Variants in TMEM51 observed in about 807,000 individuals in gnomAD.
The protein encoded by TMEM51 is transmembrane protein 51, also known as chromosome 1 open reading frame 72.
Under a neutral mutation model 13.6 loss-of-function variants are expected in TMEM51, and 8 were observed. The observed-to-expected ratio is 0.59, with a 90% CI of 0.35 to 1.07. The LOEUF is 1.07. Among genes scored for constraint, TMEM51 ranks in the 50% least tolerant of loss-of-function variants. The probability of loss-of-function intolerance (pLI) is 0.02; values close to 1 mark genes in which losing one functional copy is unlikely to be tolerated. For missense variants in TMEM51, 279 were observed against 330.7 expected (o/e 0.84, Z 1.21); for synonymous variants, 147 against 144.4 (o/e 1.02, Z -0.13).
At chr1:15,209,192 T>A (rs1279687612) in intron 1 of TMEM51, among the ~76,000 whole-genome samples, 1 of 151,844 alleles carries the variant, frequency 6.6e-6, no homozygotes, top group Non-Finnish European at 1.5e-5. Flanking sequence ...CACCTCAACC[T>A]CCCAAGTAGC....
intron 1 of TMEM51, chr1:15,191,926 T>G (rs916820231): frequency 1.9e-6 from 1 of 531,108 alleles, no homozygotes. Context: ...TTCCAGAAGT[T>G]GTAGGCGTCT....
chr1:15,154,929 G>C (rs1019054540), intron 1 of TMEM51, among the ~76,000 whole-genome samples: 2 of 152,186 alleles, frequency 1.3e-5, no homozygotes, highest in East Asian at 1.9e-4. Flanking sequence ...GACCCGAACC[G>C]GGAGGTAAGT....
chr1:15,172,871 C>T (rs1643333276), intron 1 of TMEM51, among the ~76,000 whole-genome samples: 1 of 152,168 alleles, frequency 6.6e-6, no homozygotes, highest in Non-Finnish European at 1.5e-5. Flanking sequence ...GTCGACACTA[C>T]CTGCTCATTG....
intron 1 of TMEM51, among the ~76,000 whole-genome samples, chr1:15,190,934 C>T (rs1371264291): frequency 2.0e-5 from 3 of 152,094 alleles, no homozygotes; most frequent in African/African-American, 7.2e-5. Flanking sequence ...ATTATAGGCA[C>T]GTGCCACCAC....
At chr1:15,192,752 G>A (rs1029608827) in intron 1 of TMEM51, 4 of 166,188 alleles carry the variant, frequency 2.4e-5, no homozygotes, top group Non-Finnish European at 5.1e-5. Flanking sequence ...CGCCTGGCCG[G>A]TGGTGCTACT....
rs1427933478 is a variant in TMEM51 at position 15,207,866 on chromosome 1, G to T, written c.-266-2624G>T. 1.3e-5 allele frequency among the ~76,000 whole-genome samples: 2 copies of T among 152,090 alleles called. No homozygotes were observed. Among genetic ancestry groups the T allele is most frequent in the African/African-American group, 2.4e-5 (1 of 41,390 alleles). ...TGTTGCCGGCAAATTATTTGCATAC[G>T]GATACAAGATTTGGGTATCTGGATC... On this transcript the variant is annotated intron_variant, in intron 1 of 3. Transcript: ENST00000376008. The surrounding 1 kb of genome is among the most constrained non-coding windows in gnomAD (Gnocchi z 4.6).
intron 1 of TMEM51, among the ~76,000 whole-genome samples, chr1:15,177,429 G>A (rs79718565): frequency 0.013 from 2,014 of 152,200 alleles, 37 homozygotes; most frequent in African/African-American, 0.041. Flanking sequence ...AGGGAAGTCG[G>A]GAGGAACCAG....
At position 15,184,333 on chromosome 1, in the gene TMEM51, C is replaced by A. The variant is rs116274371; in HGVS notation, c.-266-26157C>A. ...AACCACCACGCCTGGCCTTGCCTTT[C>A]TCACCAGCTCTCAGGGCTGTTGACA... On this transcript the variant is annotated intron_variant, in intron 1 of 3. Coordinates refer to ENST00000376008, the MANE Select transcript of TMEM51 (RefSeq NM_001136218.2). 1.4e-3 allele frequency among the ~76,000 whole-genome samples: 215 copies of A among 152,336 alleles called. 1 individual carries two copies. The highest frequency in any genetic ancestry group is 5.0e-3 in the African/African-American group (210 of 41,586).
intron 3 of TMEM51, 104 bp downstream of exon 3, chr1:15,215,535 G>T: frequency 9.1e-6 from 10 of 1,099,560 alleles, no homozygotes; most frequent in Non-Finnish European, 1.1e-5. Flanking sequence ...TCATCTACAG[G>T]CTTTATTGTC....
rs1466947837 is a variant in TMEM51, at chr1:15,168,435, GA to G, written c.-267+14482del. ...GACAAATGGTAGATAAATGTATAATGAGCTTGGATACATCTGCAATTAGCTG... is the reference window on the plus strand; with the variant it reads ...GACAAATGGTAGATAAATGTATAATGGCTTGGATACATCTGCAATTAGCTG... On this transcript the variant is annotated intron_variant, in intron 1 of 3. Coordinates refer to ENST00000376008, the MANE Select transcript of TMEM51 (RefSeq NM_001136218.2). The G allele has an allele frequency of 7.1e-6, 9 of 1,262,268 alleles. No individual in the cohort carries two copies. The East Asian group carries it at 2.3e-4, about 32-fold the overall frequency. 78.2% of individuals were successfully genotyped at this position (1,262,268 alleles called of 1,614,324 possible). A position where few individuals can be genotyped will look rare whatever the true frequency, so the allele number is the denominator to read the frequency against.
intron 1 of TMEM51, among the ~76,000 whole-genome samples, chr1:15,164,848 G>A (rs986403504): frequency 2.9e-5 from 4 of 139,884 alleles, no homozygotes; most frequent in African/African-American, 5.6e-5. Flanking sequence ...CTGTCGCCAG[G>A]CCAGAGTGCA....
intron 1 of TMEM51, among the ~76,000 whole-genome samples, chr1:15,195,520 A>G (rs913436247): frequency 1.4e-4 from 21 of 152,050 alleles, no homozygotes; most frequent in Admixed American, 8.5e-4. Flanking sequence ...TGTTCCCATG[A>G]GTCCCCCACC....
intron 1 of TMEM51, among the ~76,000 whole-genome samples, chr1:15,170,878 T>G (rs1404006733): frequency 6.6e-6 from 1 of 151,748 alleles, no homozygotes; most frequent in Non-Finnish European, 1.5e-5. Flanking sequence ...ACAGGCGCCC[T>G]CCACCACGCC....
chr1:15,180,288 C>T (rs922317537), intron 1 of TMEM51, among the ~76,000 whole-genome samples: 2 of 152,100 alleles, frequency 1.3e-5, no homozygotes, highest in African/African-American at 2.4e-5. Context: ...GTCTCCTGAT[C>T]GTCAGCAAGA....
At chr1:15,214,680 G>C (rs1217275814) in intron 2 of TMEM51, among the ~76,000 whole-genome samples, 1 of 152,216 alleles carries the variant, frequency 6.6e-6, no homozygotes, top group Non-Finnish European at 1.5e-5. Context: ...CCTTTTCAGG[G>C]AGTAGCGGGC....
chr1:15,195,122 G>A (rs1435763341), intron 1 of TMEM51, among the ~76,000 whole-genome samples: 1 of 151,430 alleles, frequency 6.6e-6, no homozygotes, highest in Non-Finnish European at 1.5e-5. Context: ...TTGTAGAGAT[G>A]GGGTTTCGTC....
intron 1 of TMEM51, among the ~76,000 whole-genome samples, chr1:15,188,128 A>C (rs1269371933): frequency 6.6e-6 from 1 of 152,232 alleles, no homozygotes; most frequent in Non-Finnish European, 1.5e-5. Context: ...TTCTGGGTCC[A>C]GTGGTACCCT....
intron 1 of TMEM51, among the ~76,000 whole-genome samples, chr1:15,173,800 G>T (rs1282853262): frequency 6.6e-6 from 1 of 152,056 alleles, no homozygotes; most frequent in Non-Finnish European, 1.5e-5. Flanking sequence ...CATGCTGAAC[G>T]TTTCTATGAA....
chr1:15,217,063 G>A (rs544806457), intron 3 of TMEM51, among the ~76,000 whole-genome samples: 1 of 152,186 alleles, frequency 6.6e-6, no homozygotes, highest in African/African-American at 2.4e-5. Context: ...TGGATTAAAG[G>A]GAACCCTTGG....
Sources: gnomAD v4.1 joint callset for allele counts (sites outside exome capture counted in the v4.1 genomes callset) on GRCh38, gnomAD v4.1.1 for gene constraint, Gnocchi (gnomAD v3.1) non-coding constraint, MANE v1.5 for transcripts, NCBI Gene and HGNC (gene_info 2026-07-23, HGNC 2026-07-21) for gene names.